MED24: variants seen among roughly 807,000 people sequenced by gnomAD.
MED24 encodes the protein mediator of RNA polymerase II transcription subunit 24.
MED24 carries 74 observed loss-of-function variants against 118.8 expected under a neutral mutation model. The ratio of observed to expected loss-of-function variants is 0.62; its 90% confidence interval spans 0.52 to 0.76. The LOEUF (loss-of-function observed/expected upper bound fraction) is 0.76. MED24 is among the 30% of genes least tolerant of loss of function. The pLI is 0.00. For missense variants in MED24, 1,041 were observed against 1,278.9 expected, an observed-to-expected ratio of 0.81 and a Z score of 2.84; for synonymous variants, 521 against 523.9, an observed-to-expected ratio of 0.99 and a Z score of 0.08.
rs35743512 is a variant in MED24, at chr17:40,043,890, C to CAAAAAAAAAAAAAAAAAAAA, written c.214-7737_214-7736insTTTTTTTTTTTTTTTTTTTT. On this transcript the variant is annotated intron_variant, in intron 3 of 25. Coordinates refer to ENST00000394128, the MANE Select transcript of MED24 (RefSeq NM_014815.4). Reference sequence around the variant, plus strand: ...TGGGCAGAAGAGCGAGACTCCATCTCAAAAAAAAAAAAAACAAAGATTTAA... The same window carrying CAAAAAAAAAAAAAAAAAAAA: ...TGGGCAGAAGAGCGAGACTCCATCTCAAAAAAAAAAAAAAAAAAAAAAAAAAAAAAAAAACAAAGATTTAA... 2.9e-3 allele frequency among the ~76,000 whole-genome samples: 283 copies of CAAAAAAAAAAAAAAAAAAAA among 97,296 alleles called. 15 individuals carry two copies. The highest frequency in any genetic ancestry group is 3.1e-3 in the African/African-American group (83 of 27,114). 63.8% of individuals were successfully genotyped at this position (97,296 alleles called of 152,430 possible). A position where few individuals can be genotyped will look rare whatever the true frequency, so the allele number is the denominator to read the frequency against.
chr17:40,043,891 A>AAAAAAAAAAAAAAAAAAAAAAAAAC, intron 3 of MED24, among the ~76,000 whole-genome samples: 2 of 123,660 alleles, frequency 1.6e-5, no homozygotes, highest in Non-Finnish European at 3.2e-5. Flanking sequence ...ACTCCATCTC[A>AAAAAAAAAAAAAAAAAAAAAAAAAC]AAAAAAAAAA....
At chr17:40,027,144 A>G (rs1389155735) in intron 16 of MED24, 110 bp from the exon 17 acceptor site, 2 of 1,380,512 alleles carry the variant, frequency 1.4e-6, no homozygotes, top group Admixed American at 2.3e-5. Flanking sequence ...AGCCCAGCCC[A>G]AAGACTGGGG....
chr17:40,037,828 G>A (rs573643743), intron 3 of MED24, among the ~76,000 whole-genome samples: 7 of 151,528 alleles, frequency 4.6e-5, no homozygotes, highest in East Asian at 1.9e-4. Context: ...GGAGAATGGC[G>A]TGAACCCGGG....
chr17:40,048,122 T>C (rs1985446981), intron 3 of MED24, among the ~76,000 whole-genome samples: 1 of 152,248 alleles, frequency 6.6e-6, no homozygotes, highest in South Asian at 2.1e-4. Flanking sequence ...ACCCTTTAAA[T>C]GATTATTTGT....
At chr17:40,034,850 A>AGGGGGGGGGGGGGGGG in intron 6 of MED24, 1 of 379,388 alleles carries the variant, frequency 2.6e-6, no homozygotes, top group Non-Finnish European at 5.2e-6. Flanking sequence ...CTCCTTTGGT[A>AGGGGGGGGGGGGGGGG]GCCCCCCACC....
intron 18 of MED24, 98 bp from the exon 19 acceptor site, chr17:40,026,429 G>A (rs748240801): frequency 1.4e-5 from 21 of 1,454,452 alleles, no homozygotes; most frequent in South Asian, 1.4e-4. Flanking sequence ...GCAGCGGGTG[G>A]AGTCCCGGGC....
intron 11 of MED24, 74 bp from the exon 12 acceptor site, chr17:40,031,319 G>T (rs1247569090): frequency 1.4e-6 from 2 of 1,396,970 alleles, no homozygotes; most frequent in East Asian, 2.5e-5. Context: ...GCAGGTCCCT[G>T]AGCAGCATCC....
intron 13 of MED24, 62 bp downstream of exon 13, chr17:40,029,686 G>A (rs928137412): frequency 1.4e-6 from 2 of 1,455,424 alleles, no homozygotes; most frequent in Non-Finnish European, 1.9e-6. Flanking sequence ...TTATCTGCAA[G>A]CAGATGGAGC....
rs948700196 is a variant in MED24 at position 40,027,054 on chromosome 17, G to A, written c.1531-20C>T. On this transcript the variant is annotated intron_variant, in intron 16 of 25. Coordinates refer to ENST00000394128, the MANE Select transcript of MED24 (RefSeq NM_014815.4). ...AATCACCTGGGAAAGGGGAAGGGGG[G>A]CACCAGCCGAGTGGGGAGGGCGCGG... The A allele has an allele frequency of 5.0e-6, 8 of 1,612,532 alleles. No homozygotes were observed. In the Middle Eastern group the frequency reaches 6.6e-4, roughly 133 times the overall value.
Position 40,035,653 on chromosome 17 carries a change from G to T in MED24, c.326+69C>A, listed in dbSNP as rs539802125. On this transcript the variant is annotated intron_variant, in intron 5 of 25. Transcript: ENST00000394128. ...GGAGTTGGTCTCGGTCTGTGTGCTA[G>T]GAGCTGCACCTCTGCACAAAGACAA... The T allele has an allele frequency of 9.2e-5, 141 of 1,530,454 alleles. No homozygotes were observed. In the African/African-American group the frequency reaches 1.8e-3, roughly 19 times the overall value. The allele number at this position is 1,530,454 out of a possible 1,614,324, so 94.8% of individuals were successfully genotyped here.
chr17:40,034,659 G>A (rs893382468), intron 6 of MED24, among the ~76,000 whole-genome samples: 1 of 152,236 alleles, frequency 6.6e-6, no homozygotes, highest in African/African-American at 2.4e-5. Context: ...GTTAAAAGGG[G>A]CATTTTAGGT....
intron 18 of MED24, 79 bp from the exon 19 acceptor site, chr17:40,026,410 C>G: frequency 2.6e-6 from 4 of 1,526,972 alleles, no homozygotes; most frequent in Non-Finnish European, 3.6e-6. Flanking sequence ...CCTCTGCGGG[C>G]AGCTAAGTGC....
intron 3 of MED24, among the ~76,000 whole-genome samples, chr17:40,042,678 C>CA (rs894444113): frequency 7.9e-5 from 12 of 151,028 alleles, no homozygotes; most frequent in Admixed American, 2.6e-4. Context: ...TACTCCGTCT[C>CA]AAAAAAAACA....
At chr17:40,054,297 C>T (rs1986123602) in intron 1 of MED24, 64 bp downstream of exon 1, 1 of 153,960 alleles carries the variant, frequency 6.5e-6, no homozygotes, top group Non-Finnish European at 1.4e-5. Flanking sequence ...TCCACCTTCT[C>T]CAGCCCTGTA....
intron 3 of MED24, among the ~76,000 whole-genome samples, chr17:40,051,934 C>A (rs1464036843): frequency 6.6e-6 from 1 of 151,466 alleles, no homozygotes; most frequent in African/African-American, 2.4e-5. Flanking sequence ...AATAAATAAA[C>A]AAACAAACAG....
chr17:40,031,405 GCTC>G, intron 11 of MED24, 130 bp downstream of exon 11: 1 of 1,216,780 alleles, frequency 8.2e-7, no homozygotes. Flanking sequence ...GCAACTGTGG[GCTC>G]CTATTTCCTG....
At chr17:40,025,248 C>T (rs978960505) in intron 19 of MED24, among the ~76,000 whole-genome samples, 6 of 152,092 alleles carry the variant, frequency 3.9e-5, no homozygotes, top group Middle Eastern at 3.2e-3. Context: ...TGGGAGACCA[C>T]GGTGAGAGGA....
chr17:40,027,843 C>A, intron 15 of MED24, 66 bp downstream of exon 15: 3 of 1,557,528 alleles, frequency 1.9e-6, no homozygotes, highest in East Asian at 4.5e-5. Context: ...CTCCTCCCTC[C>A]CACACTCTCC....
intron 19 of MED24, among the ~76,000 whole-genome samples, chr17:40,025,047 A>G (rs2144873267): frequency 6.6e-6 from 1 of 152,280 alleles, no homozygotes; most frequent in Non-Finnish European, 1.5e-5. Context: ...ACAACAGAGT[A>G]TTATTCAGCC....
Sources: allele counts gnomAD v4.1 joint callset (sites outside exome capture counted in the v4.1 genomes callset), GRCh38; gene constraint gnomAD v4.1.1; transcripts MANE v1.5; gene names NCBI Gene and HGNC (gene_info 2026-07-23, HGNC 2026-07-21).